Variants in PLXDC2 observed in about 807,000 individuals in gnomAD.
The protein encoded by PLXDC2 is plexin domain containing 2.
Under a neutral mutation model 68.9 loss-of-function variants are expected in PLXDC2, and 40 were observed. The observed-to-expected ratio is 0.58, with a 90% confidence interval of 0.45 to 0.76. The LOEUF is 0.76. Among genes scored for constraint, PLXDC2 ranks in the 30% least tolerant of loss-of-function variants. The probability of loss-of-function intolerance (pLI) is 0.00; values close to 1 mark genes in which losing one functional copy is unlikely to be tolerated. For missense variants in PLXDC2, 644 were observed against 661.9 expected, an observed-to-expected ratio of 0.97 and a Z score of 0.30; for synonymous variants, 243 against 234.2, an observed-to-expected ratio of 1.04 and a Z score of -0.34.
At chr10:19,819,825 A>G (rs757867098) in intron 1 of PLXDC2, among the ~76,000 whole-genome samples, 1 of 152,212 alleles carries the variant, frequency 6.6e-6, no homozygotes, top group Non-Finnish European at 1.5e-5. Context: ...AGAGTTTGTT[A>G]TGAGAGTGTT....
chr10:20,046,906 A>G lies in PLXDC2; in HGVS notation c.362A>G (p.Tyr121Cys), dbSNP rs373244420. 1.9e-6 allele frequency: 3 copies of G among 1,612,346 alleles called. No homozygotes were observed. The highest frequency in any genetic ancestry group is 1.3e-5 in the African/African-American group (1 of 74,868). ...TDHNYYISRI[Y>C]GPSDSASRDL... ...CACAATTACTATATATCTCGAATAT[A>G]TGGTCCATCTGATTCTGCCAGCCGG... The change falls in exon 3 of 14, where the codon TAT (tyrosine) becomes TGT (cysteine). Residue 121 changes from tyrosine (Y) to cysteine (C), a missense_variant. By Grantham distance (194) the Tyr-to-Cys change is radical (BLOSUM62 -2). This residue lies in a region of PLXDC2 where 201 missense variants were observed against 166.9 expected (regional missense o/e 1.20). Coordinates refer to ENST00000377252, the MANE Select transcript of PLXDC2 (RefSeq NM_032812.9).
intron 1 of PLXDC2, among the ~76,000 whole-genome samples, chr10:19,986,303 C>A (rs755182468): frequency 1.5e-4 from 23 of 151,824 alleles, no homozygotes; most frequent in Non-Finnish European, 1.9e-4. Context: ...CAGAACAGAC[C>A]TGAATCCAAG....
In PLXDC2 at chr10:20,284,147, C is replaced by T. The variant is rs1392217960; in HGVS notation, c.*4328C>T. On this transcript the variant is annotated 3_prime_UTR_variant, in exon 14 of 14. Transcript: ENST00000377252. Reference sequence around the variant, plus strand: ...TAGATTATCTGGTTCTAATTTCTTCCTCCTGTGAAATGTTCTTTTGGTTTG... The same window carrying T: ...TAGATTATCTGGTTCTAATTTCTTCTTCCTGTGAAATGTTCTTTTGGTTTG... 2 of 151,700 alleles carry T rather than the reference C, an allele frequency of 1.3e-5. No individual in the cohort carries two copies. The allele number at this position is 151,700 out of a possible 1,614,324, so 9.4% of individuals were successfully genotyped here.
At chr10:19,869,652 CATTT>C (rs907421255) in intron 1 of PLXDC2, among the ~76,000 whole-genome samples, 14 of 151,886 alleles carry the variant, frequency 9.2e-5, no homozygotes, top group African/African-American at 3.1e-4. Context: ...TACATTTAAA[CATTT>C]AATTAATATT....
intron 1 of PLXDC2, among the ~76,000 whole-genome samples, chr10:19,844,230 T>G (rs1384485441): frequency 1.3e-5 from 2 of 152,196 alleles, no homozygotes; most frequent in African/African-American, 2.4e-5. Flanking sequence ...GTTGAAAAAT[T>G]AGTCGGATTT....
At chr10:19,939,445 A>G (rs908091013) in intron 1 of PLXDC2, among the ~76,000 whole-genome samples, 11 of 152,228 alleles carry the variant, frequency 7.2e-5, no homozygotes, top group South Asian at 2.1e-4. Context: ...GGTTTTCTCA[A>G]TGATAGTTAA....
chr10:20,091,145 G>A (rs888992196), intron 4 of PLXDC2, among the ~76,000 whole-genome samples: 10 of 152,184 alleles, frequency 6.6e-5, no homozygotes, highest in Non-Finnish European at 7.3e-5. Flanking sequence ...CCACCAGCAT[G>A]TTTGGGCATC....
intron 9 of PLXDC2, among the ~76,000 whole-genome samples, chr10:20,179,188 C>CA (rs1834568131): frequency 6.6e-6 from 1 of 152,108 alleles, no homozygotes; most frequent in Non-Finnish European, 1.5e-5. Context: ...TCACCTCGTC[C>CA]AAGTCTGCAT....
chr10:19,939,501 A>C (rs1427265262), intron 1 of PLXDC2, among the ~76,000 whole-genome samples: 1 of 151,128 alleles, frequency 6.6e-6, no homozygotes, highest in Non-Finnish European at 1.5e-5. Flanking sequence ...CCAAGATGCC[A>C]AAAAAAAAGA....
At position 20,256,960 on chromosome 10, in the gene PLXDC2, C is replaced by A. The variant is rs1030169867; in HGVS notation, c.1473+11455C>A. Among the ~76,000 whole-genome samples, 8 of 152,130 alleles carry A rather than the reference C, an allele frequency of 5.3e-5. No individual in the cohort carries two copies. The South Asian group carries it at 1.0e-3, about 20-fold the overall frequency. On this transcript the variant is annotated intron_variant, in intron 13 of 13. Transcript: ENST00000377252. ...ATTCTTGTAGAGGAAAGAGTAAGTA[C>A]CCCATACTTTTAGAGGATCGTAGCC...
intron 3 of PLXDC2, among the ~76,000 whole-genome samples, chr10:20,048,883 T>TC (rs1246333768): frequency 6.6e-6 from 1 of 152,088 alleles, no homozygotes; most frequent in African/African-American, 2.4e-5. Flanking sequence ...CTGTAGACAG[T>TC]CCATTTTTTT....
chr10:20,179,247 A>G (rs1052150915), intron 9 of PLXDC2, among the ~76,000 whole-genome samples: 1 of 152,124 alleles, frequency 6.6e-6, no homozygotes, highest in Non-Finnish European at 1.5e-5. Context: ...AGCCGCCATC[A>G]TTAGCATTTT....
intron 4 of PLXDC2, among the ~76,000 whole-genome samples, chr10:20,088,984 A>C (rs955884649): frequency 6.6e-6 from 1 of 152,116 alleles, no homozygotes; most frequent in Admixed American, 6.5e-5. Flanking sequence ...TGGGCTCACA[A>C]CTCATTGTGA....
intron 4 of PLXDC2, among the ~76,000 whole-genome samples, chr10:20,107,903 T>G (rs1833512283): frequency 6.6e-6 from 1 of 152,154 alleles, no homozygotes; most frequent in Non-Finnish European, 1.5e-5. Context: ...CAAATAAACC[T>G]AGAAGATTAT....
At chr10:20,059,161 G>A (rs1472413369) in intron 3 of PLXDC2, among the ~76,000 whole-genome samples, 2 of 152,102 alleles carry the variant, frequency 1.3e-5, no homozygotes, top group African/African-American at 4.8e-5. Context: ...TTGCTTCTAG[G>A]GTAGCATGAA....
Position 19,898,830 on chromosome 10 carries a change from G to T in PLXDC2, c.112+81639G>T, listed in dbSNP as rs980202611. Among the ~76,000 whole-genome samples the T allele has an allele frequency of 6.6e-5, 10 of 152,162 alleles. No individual in the cohort carries two copies. In the South Asian group the frequency reaches 2.1e-3, roughly 32 times the overall value. On this transcript the variant is annotated intron_variant, in intron 1 of 13. Transcript: ENST00000377252. ...TATATATTAAAATAAAGCTTGAAGG[G>T]TGAATTAAATAAATATTTACTTGGA...
intron 1 of PLXDC2, among the ~76,000 whole-genome samples, chr10:19,872,233 T>C (rs577995883): frequency 8.9e-4 from 136 of 152,268 alleles, no homozygotes; most frequent in African/African-American, 2.3e-3. Flanking sequence ...AGGAGAGAAA[T>C]TGTAGAAGAC....
At chr10:20,270,703 C>A (rs1469243846) in intron 13 of PLXDC2, among the ~76,000 whole-genome samples, 1 of 152,058 alleles carries the variant, frequency 6.6e-6, no homozygotes, top group African/African-American at 2.4e-5. Flanking sequence ...TGCCACCACA[C>A]CCTGCTAATT....
intron 1 of PLXDC2, among the ~76,000 whole-genome samples, chr10:19,860,154 C>CT (rs1038822970): frequency 6.6e-6 from 1 of 152,174 alleles, no homozygotes; most frequent in Non-Finnish European, 1.5e-5. Context: ...CCTCTTCTCT[C>CT]TTTTTTCCCC....
Sources: allele counts gnomAD v4.1 joint callset (sites outside exome capture counted in the v4.1 genomes callset), GRCh38; gene constraint gnomAD v4.1.1; regional missense constraint gnomAD v4.1.1; transcripts MANE v1.5; gene names NCBI Gene and HGNC (gene_info 2026-07-23, HGNC 2026-07-21).